Variants in EYA1 observed in about 807,000 individuals in gnomAD.
EYA1 encodes the protein EYA transcriptional coactivator and phosphatase 1.
EYA1 carries 16 observed loss-of-function variants against 82.0 expected under a neutral mutation model. The observed-to-expected ratio is 0.20, with a 90% CI of 0.13 to 0.30. The LOEUF (loss-of-function observed/expected upper bound fraction) is 0.30, where lower values mean the gene tolerates loss of function less well. EYA1 is among the 10% of genes least tolerant of loss of function. EYA1 has a pLI of 1.00. For synonymous variants in EYA1, 261 were observed against 264.4 expected (o/e 0.99, Z 0.12); for missense variants, 633 against 730.7 (o/e 0.87, Z 1.54).
intron 2 of EYA1, among the ~76,000 whole-genome samples, chr8:71,517,233 A>C (rs894931672): frequency 6.6e-6 from 1 of 151,942 alleles, no homozygotes; most frequent in Non-Finnish European, 1.5e-5. Context: ...AGAAACCCAT[A>C]TCCAAATTTT....
intron 2 of EYA1, among the ~76,000 whole-genome samples, chr8:71,510,798 T>C (rs998326195): frequency 2.6e-5 from 4 of 152,182 alleles, no homozygotes; most frequent in Admixed American, 6.5e-5. Context: ...ACATGAAGGA[T>C]GGATAAAATT....
At chr8:71,367,128 G>T (rs1314483630), upstream of EYA1, among the ~76,000 whole-genome samples, 1 of 151,970 alleles carries the variant, frequency 6.6e-6, no homozygotes, top group African/African-American at 2.4e-5. Context: ...ATTCAAAAAG[G>T]TTAATTATTT....
chr8:71,348,522 A>G lies in EYA1; in HGVS notation c.124+6260T>C, dbSNP rs556804425. ...AATTGGAAGTAGGGAAAAGCTGTCT[A>G]CATCTAGACCTTAGTTATCAGCAAG... On this transcript the variant is annotated intron_variant, in intron 3 of 17. Coordinates refer to ENST00000340726, the MANE Select transcript of EYA1 (RefSeq NM_000503.6). Among the ~76,000 whole-genome samples the G allele has an allele frequency of 2.0e-5, 3 of 152,352 alleles. No homozygotes were observed. In the East Asian group the frequency reaches 5.8e-4, roughly 29 times the overall value.
At chr8:71,474,757 T>G (rs962475278) in intron 2 of EYA1, among the ~76,000 whole-genome samples, 1 of 152,182 alleles carries the variant, frequency 6.6e-6, no homozygotes, top group African/African-American at 2.4e-5. Flanking sequence ...GAAAATCAAA[T>G]GTACATGTTT....
intron 2 of EYA1, among the ~76,000 whole-genome samples, chr8:71,422,887 T>C (rs1011821430): frequency 1.3e-5 from 2 of 152,166 alleles, no homozygotes; most frequent in Non-Finnish European, 2.9e-5. Context: ...CAATTCATGA[T>C]GAGATTTGGG....
intron 2 of EYA1, among the ~76,000 whole-genome samples, chr8:71,477,879 G>C (rs1318514122): frequency 3.9e-5 from 6 of 152,088 alleles, no homozygotes; most frequent in Non-Finnish European, 8.8e-5. Flanking sequence ...TCATACAATG[G>C]AATATTATTC....
At chr8:71,541,479 A>G (rs529921256) in intron 1 of EYA1, among the ~76,000 whole-genome samples, 259 of 152,360 alleles carry the variant, frequency 1.7e-3, no homozygotes, top group Non-Finnish European at 3.1e-3. Context: ...AGAAAGTCAA[A>G]TGAACTGATG....
chr8:71,286,300 C>T (rs796275635), intron 9 of EYA1, among the ~76,000 whole-genome samples: 5 of 152,322 alleles, frequency 3.3e-5, no homozygotes, highest in African/African-American at 7.2e-5. Flanking sequence ...AGCACACCCT[C>T]GTGGTAAATA....
At chr8:71,440,319 G>A (rs1207927379) in intron 2 of EYA1, among the ~76,000 whole-genome samples, 2 of 152,140 alleles carry the variant, frequency 1.3e-5, no homozygotes, top group Non-Finnish European at 2.9e-5. Context: ...GAGCAGTTTT[G>A]TGCTTTAGAA....
intron 12 of EYA1, among the ~76,000 whole-genome samples, chr8:71,241,305 GA>G (rs1250765631): frequency 6.6e-6 from 1 of 152,090 alleles, no homozygotes; most frequent in African/African-American, 2.4e-5. Flanking sequence ...CAAGACTTAT[GA>G]AACTAAAATG....
chr8:71,242,589 T>C (rs1032074612), intron 12 of EYA1, among the ~76,000 whole-genome samples: 3 of 152,158 alleles, frequency 2.0e-5, no homozygotes, highest in African/African-American at 7.2e-5. Context: ...GAGCTTTTAA[T>C]ATATTTGAGT....
At chr8:71,257,008 AAT>A (rs1468386056) in intron 11 of EYA1, among the ~76,000 whole-genome samples, 1 of 152,128 alleles carries the variant, frequency 6.6e-6, no homozygotes, top group African/African-American at 2.4e-5. Flanking sequence ...TCAAAAAAAA[AAT>A]AAAATAAAAA....
chr8:71,298,988 A>T, intron 9 of EYA1, 59 bp downstream of exon 9: 1 of 1,552,204 alleles, frequency 6.4e-7, no homozygotes, highest in South Asian at 1.1e-5. Flanking sequence ...GACTGTAGAA[A>T]AATGCATTGA....
In EYA1 at chr8:71,210,224, T is replaced by TA; in HGVS notation, c.1698+931dup. ...CACTACAGCTCCTTCAGTTAAAATA[T>TA]AAGGGAGCATGATTATAATTGATCT... On this transcript the variant is annotated intron_variant, in intron 17 of 17. Transcript: ENST00000340726. 2.0e-5 allele frequency among the ~76,000 whole-genome samples: 3 copies of TA among 152,312 alleles called. No homozygotes were observed. The South Asian group carries it at 6.2e-4, about 32-fold the overall frequency.
chr8:71,355,442 T>G (rs1826766057), intron 2 of EYA1, among the ~76,000 whole-genome samples: 1 of 152,190 alleles, frequency 6.6e-6, no homozygotes, highest in Non-Finnish European at 1.5e-5. Flanking sequence ...AAACCTATAG[T>G]CTAGTGACAG....
intron 2 of EYA1, among the ~76,000 whole-genome samples, chr8:71,520,668 A>G (rs1244807760): frequency 6.6e-6 from 1 of 152,030 alleles, no homozygotes; most frequent in Non-Finnish European, 1.5e-5. Flanking sequence ...CCCCACCTTC[A>G]CACCCCCAGG....
At chr8:71,288,998 T>A (rs575648754) in intron 9 of EYA1, among the ~76,000 whole-genome samples, 2 of 152,206 alleles carry the variant, frequency 1.3e-5, no homozygotes, top group Admixed American at 1.3e-4. Flanking sequence ...AACGAATAGC[T>A]TCCCTTTTCC....
intron 11 of EYA1, among the ~76,000 whole-genome samples, chr8:71,258,520 A>T (rs1466789213): frequency 2.0e-5 from 3 of 152,206 alleles, no homozygotes; most frequent in Admixed American, 6.5e-5. Context: ...GTGGAGTCTT[A>T]AACTTTGGGT....
intron 11 of EYA1, among the ~76,000 whole-genome samples, chr8:71,259,619 C>T (rs1433025931): frequency 6.6e-6 from 1 of 152,158 alleles, no homozygotes; most frequent in Non-Finnish European, 1.5e-5. Context: ...AACACCAACC[C>T]CTCACAGAAG....
Sources: allele counts gnomAD v4.1 joint callset (sites outside exome capture counted in the v4.1 genomes callset), GRCh38; gene constraint gnomAD v4.1.1; transcripts MANE v1.5; gene names NCBI Gene and HGNC (gene_info 2026-07-23, HGNC 2026-07-21).